The following RGS22 variants were observed in gnomAD, a reference collection of about 807,000 sequenced individuals.
The protein encoded by RGS22 is regulator of G-protein signaling 22.
A neutral mutation model predicts 172.9 loss-of-function variants in RGS22; 148 were observed. The observed-to-expected ratio is 0.86, with a 90% CI of 0.75 to 0.98. RGS22 has a LOEUF of 0.98. Ranked by LOEUF, RGS22 falls within the 50% of genes least tolerant of loss-of-function variation. RGS22 has a pLI of 0.00. For missense variants in RGS22, 1,347 were observed against 1,440.8 expected, an observed-to-expected ratio of 0.93 and a Z score of 1.05; for synonymous variants, 458 against 480.2, an observed-to-expected ratio of 0.95 and a Z score of 0.60.
chr8:100,001,202 T>TTATATATATACATATATATACA (rs1815012230), intron 18 of RGS22, among the ~76,000 whole-genome samples: 1 of 124,780 alleles, frequency 8.0e-6, no homozygotes, highest in African/African-American at 3.1e-5. Context: ...TCCCAATTTT[T>TTATATATATACATATATATACA]TATATATATA....
At chr8:100,078,983 TA>T (rs1174376398) in intron 4 of RGS22, among the ~76,000 whole-genome samples, 2 of 152,264 alleles carry the variant, frequency 1.3e-5, no homozygotes, top group Non-Finnish European at 2.9e-5. Flanking sequence ...TCTAGTTTTA[TA>T]ATAGACATGC....
intron 27 of RGS22, among the ~76,000 whole-genome samples, chr8:99,962,065 CT>C (rs34386641): frequency 0.99 from 148,747 of 150,794 alleles, 73,403 homozygotes; most frequent in Middle Eastern, 1. Flanking sequence ...ATTTTTAGTT[CT>C]TTTTTTTTTT....
At chr8:100,021,603 A>G (rs1817609009) in intron 14 of RGS22, among the ~76,000 whole-genome samples, 1 of 152,218 alleles carries the variant, frequency 6.6e-6, no homozygotes, top group South Asian at 2.1e-4. Context: ...TTCACAGATC[A>G]TCTTAAACAC....
At chr8:100,103,244 A>G (rs1813640590) in intron 2 of RGS22, among the ~76,000 whole-genome samples, 1 of 152,184 alleles carries the variant, frequency 6.6e-6, no homozygotes, top group African/African-American at 2.4e-5. Context: ...ACAAAGAAAA[A>G]CTGGAGTTGG....
chr8:100,028,802 CCA>C (rs1818455558), intron 14 of RGS22, among the ~76,000 whole-genome samples: 1 of 152,158 alleles, frequency 6.6e-6, no homozygotes, highest in East Asian at 1.9e-4. Context: ...AGCCAGGCCC[CCA>C]CGAAAACAGT....
chr8:100,012,509 G>C (rs1209281543), intron 14 of RGS22, among the ~76,000 whole-genome samples: 1 of 151,970 alleles, frequency 6.6e-6, no homozygotes, highest in African/African-American at 2.4e-5. Flanking sequence ...TTGAGGCCAG[G>C]AGTTCGAGAT....
At position 100,063,052 on chromosome 8, in the gene RGS22, C is replaced by G. The variant is rs193029250; in HGVS notation, c.1353-300G>C. On this transcript the variant is annotated intron_variant, in intron 8 of 27. Coordinates refer to ENST00000360863, the MANE Select transcript of RGS22 (RefSeq NM_015668.5). The stretch of plus-strand genomic sequence containing the variant: ...GCAGGCTGCTAGGGAGAGTAGGTGT[C>G]TATTTTATGCTAGTGTGGTTATATA... Among the ~76,000 whole-genome samples, 120 of 152,086 alleles carry G rather than the reference C, an allele frequency of 7.9e-4. 1 individual carries two copies. The highest frequency in any genetic ancestry group is 4.6e-3 in the Admixed American group (70 of 15,272).
chr8:100,021,708 C>T (rs141232786), intron 14 of RGS22, among the ~76,000 whole-genome samples: 2,007 of 151,772 alleles, frequency 0.013, 173 homozygotes, highest in Admixed American at 0.12. Context: ...ATCTGCTCAA[C>T]TGGGCTCAAT....
chr8:100,035,958 T>A (rs1030570993), intron 14 of RGS22, among the ~76,000 whole-genome samples: 2 of 151,724 alleles, frequency 1.3e-5, no homozygotes, highest in Non-Finnish European at 2.9e-5. Flanking sequence ...GGGCCTGTTG[T>A]GGAGTGGGGG....
At chr8:99,974,478 GA>G (rs1393868607) in intron 23 of RGS22, among the ~76,000 whole-genome samples, 1 of 151,852 alleles carries the variant, frequency 6.6e-6, no homozygotes, top group Non-Finnish European at 1.5e-5. Flanking sequence ...ATAGTAATGA[GA>G]AAAAAAAGAT....
rs903497179 is a variant in RGS22, at chr8:100,053,032, A to C, written c.1515-56T>G. 1.3e-4 allele frequency: 194 copies of C among 1,477,622 alleles called. 1 individual carries two copies. Among genetic ancestry groups the C allele is most frequent in the Middle Eastern group, 1.1e-3 (6 of 5,698 alleles). The allele number at this position is 1,477,622 out of a possible 1,614,324, so 91.5% of individuals were successfully genotyped here. The stretch of plus-strand genomic sequence containing the variant: ...AACTAAACAACAAGCCTCAAAAATG[A>C]AAAGCCTACAAAATACATAATAGCT... On this transcript the variant is annotated intron_variant, in intron 9 of 27. Coordinates refer to ENST00000360863, the MANE Select transcript of RGS22 (RefSeq NM_015668.5).
At chr8:99,979,244 A>G (rs2131189868) in intron 22 of RGS22, among the ~76,000 whole-genome samples, 1 of 152,254 alleles carries the variant, frequency 6.6e-6, no homozygotes, top group South Asian at 2.1e-4. Flanking sequence ...CATACTTCTC[A>G]GTTATCTTTC....
chr8:99,982,208 G>C (rs1481846681), intron 21 of RGS22, 92 bp from the exon 22 acceptor site: 5 of 982,354 alleles, frequency 5.1e-6, no homozygotes, highest in Non-Finnish European at 7.2e-6. Flanking sequence ...ATTAATATAT[G>C]CATTTCAACT....
chr8:100,053,658 C>T (rs1026771750), intron 9 of RGS22, among the ~76,000 whole-genome samples: 17 of 151,690 alleles, frequency 1.1e-4, no homozygotes, highest in Non-Finnish European at 1.6e-4. Context: ...TTTTTTGACA[C>T]GGAGTCTTGC....
At chr8:100,083,830 C>CTTTTTTTT (rs59603032) in intron 3 of RGS22, among the ~76,000 whole-genome samples, 97 of 126,004 alleles carry the variant, frequency 7.7e-4, no homozygotes, top group African/African-American at 1.7e-3. Context: ...AATTTCTTTT[C>CTTTTTTTT]TTTTTTTTTT....
At chr8:100,098,509 G>A (rs2132033564) in intron 2 of RGS22, among the ~76,000 whole-genome samples, 1 of 152,258 alleles carries the variant, frequency 6.6e-6, no homozygotes, top group African/African-American at 2.4e-5. Flanking sequence ...GATCCCCACT[G>A]GTTTGCAAAA....
chr8:100,068,378 T>C (rs917196125), intron 6 of RGS22, among the ~76,000 whole-genome samples: 1 of 152,170 alleles, frequency 6.6e-6, no homozygotes, highest in African/African-American at 2.4e-5. Context: ...AGTGAGGCCC[T>C]GTCTCAACAA....
At chr8:100,015,082 A>T (rs557104617) in intron 14 of RGS22, among the ~76,000 whole-genome samples, 1 of 152,182 alleles carries the variant, frequency 6.6e-6, no homozygotes, top group Non-Finnish European at 1.5e-5. Context: ...AAAATTTAAC[A>T]ATCAATGTGG....
chr8:99,996,394 G>T, intron 20 of RGS22, 68 bp downstream of exon 20: 1 of 1,336,550 alleles, frequency 7.5e-7, no homozygotes, highest in South Asian at 1.2e-5. Context: ...GAACAAGAAA[G>T]GGAAAGAAAA....
Sources: allele counts gnomAD v4.1 joint callset (sites outside exome capture counted in the v4.1 genomes callset), GRCh38; gene constraint gnomAD v4.1.1; transcripts MANE v1.5; gene names NCBI Gene and HGNC (gene_info 2026-07-23, HGNC 2026-07-21).